The following GRIK2 variants were observed in gnomAD, a reference collection of about 807,000 sequenced individuals.
GRIK2 encodes glutamate receptor ionotropic, kainate 2.
In GRIK2, 32 loss-of-function variants were observed where a neutral mutation model predicts 100.3. The ratio of observed to expected loss-of-function variants is 0.32; its 90% CI spans 0.24 to 0.43. GRIK2 has a LOEUF of 0.43. Among genes scored for constraint, GRIK2 ranks in the 20% least tolerant of loss-of-function variants. GRIK2 has a pLI of 1.00. For missense variants in GRIK2, 843 were observed against 1,114.9 expected (o/e 0.76, Z 3.47); for synonymous variants, 417 against 389.4 (o/e 1.07, Z -0.83).
chr6:101,535,143 G>GA (rs1021651411), intron 2 of GRIK2, among the ~76,000 whole-genome samples: 30 of 150,944 alleles, frequency 2.0e-4, no homozygotes, highest in East Asian at 5.9e-4. Flanking sequence ...TCAGTCTTGT[G>GA]AAAAAAAACA....
In GRIK2 at chr6:101,889,669, T is replaced by C; in HGVS notation, c.1554T>C (p.Ala518=). 6.2e-7 allele frequency: 1 copy of C among 1,607,836 alleles called. No homozygotes were observed. The highest frequency in any genetic ancestry group is 1.1e-5 in the South Asian group (1 of 90,916). Residue 518 remains alanine (A), a synonymous_variant, in exon 12 of 17, where the codon GCT becomes GCC. Coordinates refer to ENST00000369134, the MANE Select transcript of GRIK2 (RefSeq NM_021956.5). ...CTGACCTTGCAGTTGCTCCACTGGCTATTACCTATGTTCGAGAGAAGGTCA... is the reference window on the plus strand; with the variant it reads ...CTGACCTTGCAGTTGCTCCACTGGCCATTACCTATGTTCGAGAGAAGGTCA... The part of the protein sequence containing the change: ...HKADLAVAPL[A]ITYVREKVID...
At chr6:101,870,230 A>G (rs955915790) in intron 11 of GRIK2, among the ~76,000 whole-genome samples, 6 of 151,898 alleles carry the variant, frequency 4.0e-5, no homozygotes. Context: ...CAATACATAC[A>G]TCATTAAGGT....
chr6:101,638,538 G>C (rs1781129256), intron 4 of GRIK2, among the ~76,000 whole-genome samples: 1 of 142,294 alleles, frequency 7.0e-6, no homozygotes, highest in South Asian at 2.3e-4. Flanking sequence ...AAAGAAAAGT[G>C]TTTCAGAAAA....
intron 14 of GRIK2, among the ~76,000 whole-genome samples, chr6:101,995,587 T>A (rs1794608338): frequency 6.6e-6 from 1 of 151,934 alleles, no homozygotes. Flanking sequence ...TCAAAATAGA[T>A]CATTATTCTT....
At chr6:102,045,344 T>C (rs1284198514) in intron 15 of GRIK2, among the ~76,000 whole-genome samples, 7 of 152,144 alleles carry the variant, frequency 4.6e-5, no homozygotes, top group Admixed American at 4.6e-4. Context: ...ATAACTCTTC[T>C]TTTACTTTTG....
chr6:101,910,120 A>G (rs1159983150), intron 12 of GRIK2, among the ~76,000 whole-genome samples: 1 of 151,210 alleles, frequency 6.6e-6, no homozygotes, highest in Non-Finnish European at 1.5e-5. Flanking sequence ...TTTATAAAGA[A>G]TCAGAAACAT....
At chr6:101,553,783 T>C (rs926127797) in intron 2 of GRIK2, among the ~76,000 whole-genome samples, 6 of 152,112 alleles carry the variant, frequency 3.9e-5, no homozygotes, top group South Asian at 2.1e-4. Flanking sequence ...TTTTAGAAAA[T>C]TGGAAAGAGT....
intron 11 of GRIK2, among the ~76,000 whole-genome samples, chr6:101,868,071 C>T (rs987755073): frequency 9.7e-5 from 14 of 144,174 alleles, no homozygotes; most frequent in African/African-American, 1.4e-4. Flanking sequence ...TTATAGAGAC[C>T]TCTATAAATG....
chr6:101,468,031 T>A (rs1771749745), intron 2 of GRIK2, among the ~76,000 whole-genome samples: 1 of 151,878 alleles, frequency 6.6e-6, no homozygotes, highest in Admixed American at 6.6e-5. Context: ...GACCTATCCA[T>A]CATTAAGGAG....
chr6:101,849,311 T>C (rs1177537706), intron 10 of GRIK2, among the ~76,000 whole-genome samples: 1 of 152,058 alleles, frequency 6.6e-6, no homozygotes, highest in Non-Finnish European at 1.5e-5. Flanking sequence ...AACATTGCTG[T>C]CCATAGTAAT....
intron 11 of GRIK2, among the ~76,000 whole-genome samples, chr6:101,864,265 G>C (rs1483272386): frequency 6.6e-6 from 1 of 152,148 alleles, no homozygotes; most frequent in Non-Finnish European, 1.5e-5. Flanking sequence ...GGTATATTTG[G>C]AGGAGACACA....
At chr6:101,801,202 A>G (rs1010123645) in intron 8 of GRIK2, among the ~76,000 whole-genome samples, 1 of 151,878 alleles carries the variant, frequency 6.6e-6, no homozygotes, top group Non-Finnish European at 1.5e-5. Context: ...TTACACTTCT[A>G]TTCTTGTACT....
At chr6:101,535,560 A>G (rs1775650375) in intron 2 of GRIK2, among the ~76,000 whole-genome samples, 1 of 151,748 alleles carries the variant, frequency 6.6e-6, no homozygotes, top group East Asian at 1.9e-4. Context: ...ACAATTACCA[A>G]TGCTCTTATT....
At chr6:102,035,785 G>A (rs1347584066) in intron 15 of GRIK2, among the ~76,000 whole-genome samples, 3 of 151,350 alleles carry the variant, frequency 2.0e-5, no homozygotes, top group Non-Finnish European at 4.4e-5. Flanking sequence ...AAAATGGTCA[G>A]TAGATATTTT....
At chr6:101,485,953 A>AG (rs1465749946) in intron 2 of GRIK2, among the ~76,000 whole-genome samples, 3 of 151,474 alleles carry the variant, frequency 2.0e-5, no homozygotes, top group Non-Finnish European at 4.4e-5. Flanking sequence ...TACTTTTTTA[A>AG]GGGACAGCTG....
chr6:101,533,434 T>G (rs1314156808), intron 2 of GRIK2, among the ~76,000 whole-genome samples: 2 of 151,838 alleles, frequency 1.3e-5, no homozygotes, highest in Admixed American at 1.3e-4. Flanking sequence ...AAATTTAAAA[T>G]CAGTTAACTT....
At chr6:101,713,195 T>A (rs1415537660) in intron 7 of GRIK2, among the ~76,000 whole-genome samples, 1 of 151,718 alleles carries the variant, frequency 6.6e-6, no homozygotes, top group Non-Finnish European at 1.5e-5. Context: ...TTTATTATTT[T>A]AAAAAATTAT....
intron 7 of GRIK2, among the ~76,000 whole-genome samples, chr6:101,769,592 A>G (rs1481082411): frequency 6.6e-6 from 1 of 152,178 alleles, no homozygotes; most frequent in African/African-American, 2.4e-5. Flanking sequence ...CTAGCCCACA[A>G]GATAAACTCA....
intron 2 of GRIK2, among the ~76,000 whole-genome samples, chr6:101,567,796 C>T (rs1189441211): frequency 6.6e-6 from 1 of 151,898 alleles, no homozygotes; most frequent in Non-Finnish European, 1.5e-5. Flanking sequence ...CATCCTGAAT[C>T]CATTATTAAC....
Sources: allele counts gnomAD v4.1 joint callset (sites outside exome capture counted in the v4.1 genomes callset), GRCh38; gene constraint gnomAD v4.1.1; transcripts MANE v1.5; gene names NCBI Gene and HGNC (gene_info 2026-07-23, HGNC 2026-07-21).